The following EYS variants were observed in gnomAD, a reference collection of about 807,000 sequenced individuals.
EYS encodes protein eyes shut homolog.
Under a neutral mutation model 282.1 loss-of-function variants are expected in EYS, and 250 were observed. The ratio of observed to expected loss-of-function variants is 0.89; its 90% CI spans 0.80 to 0.98. The LOEUF is 0.98. Among genes scored for constraint, EYS ranks in the 50% least tolerant of loss-of-function variants. The pLI is 0.00. For synonymous variants in EYS, 1,355 were observed against 1,282.9 expected (o/e 1.06, Z -1.20); for missense variants, 4,016 against 3,709.0 (o/e 1.08, Z -2.15).
chr6:64,987,662 T>C (rs766233442), intron 14 of EYS, among the ~76,000 whole-genome samples: 13 of 151,424 alleles, frequency 8.6e-5, no homozygotes, highest in Non-Finnish European at 1.8e-4. Context: ...CCGTGTCTCC[T>C]TGTGAAACTT....
intron 14 of EYS, among the ~76,000 whole-genome samples, chr6:64,995,400 C>T (rs1251353098): frequency 6.6e-6 from 1 of 152,024 alleles, no homozygotes; most frequent in African/African-American, 2.4e-5. Context: ...GTAATAAATC[C>T]TAGCAAAAAG....
At chr6:64,527,727 T>G in intron 26 of EYS, among the ~76,000 whole-genome samples, 1 of 151,662 alleles carries the variant, frequency 6.6e-6, no homozygotes, top group African/African-American at 2.4e-5. Context: ...ATATATGATA[T>G]TTAATAAGGA....
chr6:64,522,681 C>T (rs1364108575), intron 26 of EYS, among the ~76,000 whole-genome samples: 1 of 151,756 alleles, frequency 6.6e-6, no homozygotes, highest in Non-Finnish European at 1.5e-5. Context: ...CATTATGTAG[C>T]TCTGACTGAC....
chr6:64,961,651 A>C (rs993216515), intron 14 of EYS, among the ~76,000 whole-genome samples: 5 of 152,122 alleles, frequency 3.3e-5, no homozygotes, highest in Non-Finnish European at 7.4e-5. Context: ...GAATAAGTCC[A>C]GAGGGAATTT....
chr6:64,498,462 A>AT (rs200131435), intron 26 of EYS, among the ~76,000 whole-genome samples: 2,312 of 146,842 alleles, frequency 0.016, 21 homozygotes, highest in Middle Eastern at 0.031. Flanking sequence ...TTATATACTC[A>AT]TTTTTTTTTT....
Position 64,591,725 on chromosome 6 carries a change from C to G in EYS, c.4142G>C (p.Gly1381Ala). 1.3e-6 allele frequency: 2 copies of G among 1,551,252 alleles called. No homozygotes were observed. The highest frequency in any genetic ancestry group is 1.7e-6 in the Non-Finnish European group (2 of 1,146,742). ...TGCTCTCCTATCAGGAAAAAAGAAA[C>G]CTAGTGTGGCTGCTGAAGTTCGAAT... is the stretch of plus-strand genomic sequence containing the variant. ...MPIRTSAATL[G>A]FFFPDRRART... The change falls in exon 26 of 43, where the codon GGT becomes GCT. Residue 1381 changes from glycine (G) to alanine (A), a missense_variant. By Grantham distance (60) the Gly-to-Ala change is moderately conservative. Transcript: ENST00000503581.
At chr6:64,803,506 C>T (rs796380116) in intron 22 of EYS, among the ~76,000 whole-genome samples, 4 of 152,270 alleles carry the variant, frequency 2.6e-5, no homozygotes, top group African/African-American at 9.6e-5. Context: ...ACAGCCTGGC[C>T]CCATGCTTCA....
chr6:64,266,808 T>G (rs541916164), intron 30 of EYS, among the ~76,000 whole-genome samples: 2 of 152,050 alleles, frequency 1.3e-5, no homozygotes, highest in African/African-American at 4.8e-5. Context: ...GGCACTGGGG[T>G]GTTTGGTAAG....
At chr6:64,683,975 G>C (rs1769993883) in intron 22 of EYS, among the ~76,000 whole-genome samples, 1 of 152,170 alleles carries the variant, frequency 6.6e-6, no homozygotes, top group South Asian at 2.1e-4. Context: ...ACGAAGGCAG[G>C]CTCCTGCACT....
At chr6:65,031,227 T>G (rs1425203194) in intron 13 of EYS, among the ~76,000 whole-genome samples, 1 of 150,898 alleles carries the variant, frequency 6.6e-6, no homozygotes, top group Non-Finnish European at 1.5e-5. Context: ...CCCAGGTTCA[T>G]AAAACAAGTT....
intron 22 of EYS, among the ~76,000 whole-genome samples, chr6:64,719,529 G>A (rs1771504259): frequency 1.3e-5 from 2 of 152,128 alleles, no homozygotes; most frequent in Admixed American, 1.3e-4. Flanking sequence ...AGGAACAAAA[G>A]AAAAATTCCT....
intron 28 of EYS, among the ~76,000 whole-genome samples, chr6:64,389,684 T>C (rs1373968704): frequency 6.6e-6 from 1 of 152,252 alleles, no homozygotes; most frequent in Non-Finnish European, 1.5e-5. Context: ...AGTTGGTAGA[T>C]GCACTATTCA....
chr6:63,949,188 G>A (rs1765491653), intron 35 of EYS, among the ~76,000 whole-genome samples: 1 of 152,140 alleles, frequency 6.6e-6, no homozygotes, highest in Non-Finnish European at 1.5e-5. Context: ...GAAAAGATAA[G>A]GGTAGTGAAG....
chr6:64,219,414 G>A (rs1291069886), intron 31 of EYS, among the ~76,000 whole-genome samples: 2 of 152,142 alleles, frequency 1.3e-5, no homozygotes, highest in Non-Finnish European at 2.9e-5. Context: ...TTATTCTTGA[G>A]TACAATCTAC....
chr6:64,426,290 T>A (rs1167431147), intron 28 of EYS, among the ~76,000 whole-genome samples: 1 of 152,210 alleles, frequency 6.6e-6, no homozygotes. Flanking sequence ...CTAACAACAC[T>A]CTTTTTTATT....
intron 30 of EYS, among the ~76,000 whole-genome samples, chr6:64,305,857 G>A (rs141459041): frequency 2.0e-5 from 3 of 152,042 alleles, no homozygotes; most frequent in Non-Finnish European, 4.4e-5. Context: ...CAAATGCACA[G>A]GCAATGAAAG....
chr6:65,063,844 G>C (rs1440927914), intron 12 of EYS, among the ~76,000 whole-genome samples: 1 of 151,892 alleles, frequency 6.6e-6, no homozygotes, highest in Non-Finnish European at 1.5e-5. Context: ...GTTGGCAGAA[G>C]AGTAAATCAC....
chr6:64,395,402 A>C (rs2150431871), intron 28 of EYS, among the ~76,000 whole-genome samples: 1 of 152,346 alleles, frequency 6.6e-6, no homozygotes, highest in South Asian at 2.1e-4. Flanking sequence ...ACGATGATAG[A>C]CTGGATTAAG....
At chr6:64,272,233 G>T (rs1767966500) in intron 30 of EYS, among the ~76,000 whole-genome samples, 1 of 152,074 alleles carries the variant, frequency 6.6e-6, no homozygotes, top group African/African-American at 2.4e-5. Context: ...TATACAATTT[G>T]CCAGTCTGTG....
Sources: allele counts gnomAD v4.1 joint callset (sites outside exome capture counted in the v4.1 genomes callset), GRCh38; gene constraint gnomAD v4.1.1; transcripts MANE v1.5; gene names NCBI Gene and HGNC (gene_info 2026-07-23, HGNC 2026-07-21).